DNAJC1: variants seen among roughly 807,000 people sequenced by gnomAD.
DNAJC1 encodes DnaJ heat shock protein family (Hsp40) member C1, also known as dnaJ homolog subfamily C member 1.
Under a neutral mutation model 76.6 loss-of-function variants are expected in DNAJC1, and 58 were observed. That is an observed-to-expected ratio of 0.76 (90% CI 0.61 to 0.94). DNAJC1 has a LOEUF of 0.94. DNAJC1 is among the 40% of genes least tolerant of loss of function. The pLI is 0.00. For synonymous variants in DNAJC1, 258 were observed against 267.9 expected (o/e 0.96, Z 0.36); for missense variants, 689 against 677.3 (o/e 1.02, Z -0.19).
chr10:21,925,927 G>T (rs947022961), intron 3 of DNAJC1, among the ~76,000 whole-genome samples: 1 of 152,170 alleles, frequency 6.6e-6, no homozygotes, highest in Non-Finnish European at 1.5e-5. Context: ...GACTTTTATT[G>T]TATGCAAATT....
intron 7 of DNAJC1, among the ~76,000 whole-genome samples, chr10:21,892,434 T>C (rs1205585901): frequency 1.3e-5 from 2 of 151,134 alleles, no homozygotes. Flanking sequence ...AGAAATTCTA[T>C]CTGTAATAGA....
chr10:21,960,870 C>T (rs1297932123), intron 1 of DNAJC1, among the ~76,000 whole-genome samples: 2 of 152,116 alleles, frequency 1.3e-5, no homozygotes, highest in Non-Finnish European at 2.9e-5. Flanking sequence ...GAAACCTGCA[C>T]GTTCTGCACA....
intron 7 of DNAJC1, among the ~76,000 whole-genome samples, chr10:21,901,488 A>T (rs954604837): frequency 6.6e-6 from 1 of 152,202 alleles, no homozygotes; most frequent in South Asian, 2.1e-4. Context: ...TTTAAACCTA[A>T]ACCACAAAAT....
At chr10:21,865,294 T>C (rs117041073) in intron 8 of DNAJC1, 2 of 152,248 alleles carry the variant, frequency 1.3e-5, no homozygotes, top group East Asian at 3.9e-4. Context: ...GATTTATTAA[T>C]GATGGTCAAA....
chr10:21,985,819 T>G (rs1838236902), intron 1 of DNAJC1, among the ~76,000 whole-genome samples: 1 of 152,192 alleles, frequency 6.6e-6, no homozygotes, highest in Non-Finnish European at 1.5e-5. Context: ...TTATGAATAA[T>G]GCTGCAATGA....
intron 8 of DNAJC1, among the ~76,000 whole-genome samples, chr10:21,863,380 C>T (rs1835947719): frequency 6.6e-6 from 1 of 152,062 alleles, no homozygotes; most frequent in Non-Finnish European, 1.5e-5. Flanking sequence ...CATGCCAGCA[C>T]ACTCAACAAG....
At chr10:21,856,438 C>A (rs765186575) in intron 8 of DNAJC1, among the ~76,000 whole-genome samples, 2 of 152,062 alleles carry the variant, frequency 1.3e-5, no homozygotes, top group Non-Finnish European at 2.9e-5. Flanking sequence ...ATTGTAGCTG[C>A]ATGGTGGAAA....
intron 8 of DNAJC1, among the ~76,000 whole-genome samples, chr10:21,808,663 G>C (rs761712054): frequency 2.0e-5 from 3 of 152,182 alleles, no homozygotes; most frequent in Non-Finnish European, 2.9e-5. Context: ...CTGTGATCCA[G>C]CTACTACAGC....
intron 1 of DNAJC1, among the ~76,000 whole-genome samples, chr10:21,939,249 T>C (rs1466288071): frequency 6.6e-6 from 1 of 152,178 alleles, no homozygotes; most frequent in Admixed American, 6.5e-5. Context: ...TCAGGGGTAT[T>C]AAATTGAAGG....
intron 1 of DNAJC1, among the ~76,000 whole-genome samples, chr10:21,978,658 C>T (rs1156455445): frequency 6.6e-6 from 1 of 151,932 alleles, no homozygotes; most frequent in Non-Finnish European, 1.5e-5. Flanking sequence ...CTAGTGACTA[C>T]TAAAGTAGAT....
At chr10:22,002,450 G>A (rs950123732) in intron 1 of DNAJC1, among the ~76,000 whole-genome samples, 1 of 151,946 alleles carries the variant, frequency 6.6e-6, no homozygotes, top group African/African-American at 2.4e-5. Flanking sequence ...AGCTATAGAA[G>A]AAAACGAAAT....
At chr10:21,764,734 G>A (rs1200146637) in intron 10 of DNAJC1, among the ~76,000 whole-genome samples, 1 of 152,092 alleles carries the variant, frequency 6.6e-6, no homozygotes, top group African/African-American at 2.4e-5. Flanking sequence ...CTTCTTAAAG[G>A]CTATTAAAAA....
chr10:21,771,251 ACTT>A (rs1221188902), intron 9 of DNAJC1, among the ~76,000 whole-genome samples: 1 of 152,038 alleles, frequency 6.6e-6, no homozygotes, highest in Admixed American at 6.5e-5. Context: ...AGATAATTTT[ACTT>A]CTTTTTTTCC....
At chr10:21,938,280 C>T (rs547952127) in intron 1 of DNAJC1, among the ~76,000 whole-genome samples, 18 of 151,494 alleles carry the variant, frequency 1.2e-4, no homozygotes, top group Non-Finnish European at 2.5e-4. Flanking sequence ...CGAAAACATA[C>T]CATGCCAAAA....
At chr10:21,829,171 CAGGA>C (rs1835313126) in intron 8 of DNAJC1, among the ~76,000 whole-genome samples, 3 of 151,708 alleles carry the variant, frequency 2.0e-5, no homozygotes, top group Non-Finnish European at 4.4e-5. Flanking sequence ...GCTGGAACTA[CAGGA>C]ATGAGTCACC....
intron 1 of DNAJC1, among the ~76,000 whole-genome samples, chr10:21,936,364 G>C (rs1300640410): frequency 6.6e-6 from 1 of 152,164 alleles, no homozygotes; most frequent in South Asian, 2.1e-4. Flanking sequence ...TAGCAGCACA[G>C]ACTAAAACAG....
intron 8 of DNAJC1, among the ~76,000 whole-genome samples, chr10:21,832,252 T>C (rs1275268771): frequency 6.6e-6 from 1 of 152,222 alleles, no homozygotes; most frequent in Non-Finnish European, 1.5e-5. Context: ...TTCTCCTTAC[T>C]TTGGGAATAT....
chr10:21,935,519 T>G (rs1837297659), intron 1 of DNAJC1, among the ~76,000 whole-genome samples: 1 of 151,938 alleles, frequency 6.6e-6, no homozygotes, highest in African/African-American at 2.4e-5. Context: ...AAACACATAA[T>G]GGATCTCCAA....
At chr10:21,762,064 G>C (rs779420848) in intron 10 of DNAJC1, among the ~76,000 whole-genome samples, 2 of 151,934 alleles carry the variant, frequency 1.3e-5, no homozygotes, top group Non-Finnish European at 2.9e-5. Context: ...TCAGCCTCTC[G>C]AGGAGCTGGG....
Sources: allele counts gnomAD v4.1 joint callset (sites outside exome capture counted in the v4.1 genomes callset), GRCh38; gene constraint gnomAD v4.1.1; transcripts MANE v1.5; gene names NCBI Gene and HGNC (gene_info 2026-07-23, HGNC 2026-07-21).